CUBN: variants seen among roughly 807,000 people sequenced by gnomAD.
CUBN encodes the protein cubilin.
A neutral mutation model predicts 405.3 loss-of-function variants in CUBN; 282 were observed. The observed-to-expected ratio is 0.70, with a 90% CI of 0.63 to 0.77. CUBN has a LOEUF of 0.77. Ranked by LOEUF, CUBN falls within the 30% of genes least tolerant of loss-of-function variation. The pLI is 0.00. For missense variants in CUBN, 4,514 were observed against 4,475.2 expected (o/e 1.01, Z -0.25); for synonymous variants, 1,684 against 1,617.0 (o/e 1.04, Z -0.99).
chr10:17,102,644 T>C (rs1172358099), intron 13 of CUBN, among the ~76,000 whole-genome samples: 1 of 146,942 alleles, frequency 6.8e-6, no homozygotes, highest in Non-Finnish European at 1.5e-5. Flanking sequence ...TCTTACTCTG[T>C]TGGCCAGGCT....
chr10:17,092,802 A>G (rs1014677041), intron 14 of CUBN, among the ~76,000 whole-genome samples: 4 of 152,192 alleles, frequency 2.6e-5, no homozygotes, highest in Non-Finnish European at 4.4e-5. Flanking sequence ...AATAATCACA[A>G]AATAACTGTA....
chr10:16,935,704 C>T (rs1318095135), intron 39 of CUBN, among the ~76,000 whole-genome samples: 4 of 151,152 alleles, frequency 2.6e-5, no homozygotes, highest in Admixed American at 2.6e-4. Context: ...ACGGTGAAAC[C>T]CCATCTGTAC....
At chr10:16,953,817 C>T (rs916084795) in intron 32 of CUBN, among the ~76,000 whole-genome samples, 1 of 150,870 alleles carries the variant, frequency 6.6e-6, no homozygotes, top group African/African-American at 2.4e-5. Context: ...CACCACTGCA[C>T]TCCAGCCTGG....
intron 28 of CUBN, among the ~76,000 whole-genome samples, chr10:16,998,045 G>A (rs1833783001): frequency 6.6e-6 from 1 of 151,996 alleles, no homozygotes; most frequent in Non-Finnish European, 1.5e-5. Context: ...TAAAGGCCAA[G>A]GAACATAAAA....
intron 16 of CUBN, among the ~76,000 whole-genome samples, chr10:17,084,822 A>G (rs753650157): frequency 5.3e-5 from 8 of 152,248 alleles, no homozygotes; most frequent in Non-Finnish European, 1.0e-4. Context: ...CATGAAGCAG[A>G]TTAAAGAAAA....
At chr10:16,911,393 G>T (rs769992314) in intron 48 of CUBN, among the ~76,000 whole-genome samples, 3 of 152,192 alleles carry the variant, frequency 2.0e-5, no homozygotes, top group Non-Finnish European at 4.4e-5. Flanking sequence ...CCCCATGTGT[G>T]TTTGTGGTGG....
intron 62 of CUBN, among the ~76,000 whole-genome samples, chr10:16,840,100 C>A (rs1839296452): frequency 6.6e-6 from 1 of 150,876 alleles, no homozygotes; most frequent in South Asian, 2.1e-4. Context: ...GGAGGGATAG[C>A]ATTAGGAGAT....
At chr10:16,854,756 G>A (rs1839819195) in intron 59 of CUBN, among the ~76,000 whole-genome samples, 1 of 152,144 alleles carries the variant, frequency 6.6e-6, no homozygotes, top group African/African-American at 2.4e-5. Flanking sequence ...CCCAGTGAAT[G>A]CCATTACACA....
At chr10:17,104,213 T>C (rs1465915434) in intron 12 of CUBN, among the ~76,000 whole-genome samples, 2 of 152,236 alleles carry the variant, frequency 1.3e-5, no homozygotes, top group Non-Finnish European at 2.9e-5. Flanking sequence ...ATTTATTCTT[T>C]GGAAGAAAAG....
chr10:16,868,994 C>T (rs1173035533), intron 59 of CUBN, among the ~76,000 whole-genome samples: 1 of 152,080 alleles, frequency 6.6e-6, no homozygotes, highest in Non-Finnish European at 1.5e-5. Flanking sequence ...AAACACTGTG[C>T]TTCCAATGTA....
chr10:17,117,719 C>G (rs574152386), intron 6 of CUBN, among the ~76,000 whole-genome samples: 2 of 152,256 alleles, frequency 1.3e-5, no homozygotes, highest in East Asian at 3.9e-4. Context: ...CGTGAGCCAC[C>G]GCACCCTGCT....
chr10:16,869,568 C>G lies in CUBN; in HGVS notation c.9454+68G>C, dbSNP rs703074. ...TAATCAGGTGGGGGTGGGGGGGGGG[C>G]GGGGAAATTAAATAAAGCAGAAAGG... On this transcript the variant is annotated intron_variant, in intron 59 of 66. Transcript: ENST00000377833. The G allele has an allele frequency of 9.2e-3, 8,697 of 940,662 alleles. 17 individuals are homozygous for G. Among genetic ancestry groups the G allele is most frequent in the Admixed American group, 0.025 (1,337 of 53,206 alleles). The allele number at this position is 940,662 out of a possible 1,614,324, so 58.3% of individuals were successfully genotyped here.
intron 50 of CUBN, 127 bp downstream of exon 50, chr10:16,906,076 T>C: frequency 2.6e-6 from 2 of 771,896 alleles, no homozygotes; most frequent in Non-Finnish European, 4.5e-6. Context: ...ATCACACCAC[T>C]GCACTCCAGT....
At chr10:16,909,627 T>C (rs1841664311) in intron 48 of CUBN, among the ~76,000 whole-genome samples, 1 of 152,262 alleles carries the variant, frequency 6.6e-6, no homozygotes, top group African/African-American at 2.4e-5. Flanking sequence ...GCTGTTATCC[T>C]GCCTCTGAGT....
chr10:17,071,669 C>T, intron 18 of CUBN, 65 bp from the exon 19 acceptor site: 1 of 1,543,696 alleles, frequency 6.5e-7, no homozygotes. Context: ...AATTTTATTG[C>T]AAAATCTAAT....
At chr10:16,870,326 G>T (rs1840315099) in intron 58 of CUBN, among the ~76,000 whole-genome samples, 1 of 152,172 alleles carries the variant, frequency 6.6e-6, no homozygotes, top group African/African-American at 2.4e-5. Flanking sequence ...TAGAATCACA[G>T]CTCCATTCTC....
chr10:16,894,695 C>T (rs911998421), intron 54 of CUBN, among the ~76,000 whole-genome samples: 5 of 152,140 alleles, frequency 3.3e-5, no homozygotes, highest in East Asian at 1.9e-4. Flanking sequence ...TCTCTGCCTT[C>T]ATATAAGTTG....
chr10:17,118,172 T>G (rs1275831998), intron 6 of CUBN, among the ~76,000 whole-genome samples: 2 of 152,168 alleles, frequency 1.3e-5, no homozygotes, highest in Non-Finnish European at 1.5e-5. Flanking sequence ...TTCTTTCACT[T>G]AAGTTTAGAT....
At chr10:17,128,674 C>T (rs991284524) in intron 2 of CUBN, among the ~76,000 whole-genome samples, 1 of 152,146 alleles carries the variant, frequency 6.6e-6, no homozygotes, top group Non-Finnish European at 1.5e-5. Flanking sequence ...CCACTATTAA[C>T]CCCAGGCCAT....
Sources: gnomAD v4.1 joint callset for allele counts (sites outside exome capture counted in the v4.1 genomes callset) on GRCh38, gnomAD v4.1.1 for gene constraint, MANE v1.5 for transcripts, NCBI Gene and HGNC (gene_info 2026-07-23, HGNC 2026-07-21) for gene names.